Variants in BCAR3 observed in about 807,000 individuals in gnomAD.
The protein encoded by BCAR3 is breast cancer anti-estrogen resistance protein 3.
A neutral mutation model predicts 80.1 loss-of-function variants in BCAR3; 37 were observed. The observed-to-expected ratio is 0.46, with a 90% CI of 0.36 to 0.61. The LOEUF is 0.61. Among genes scored for constraint, BCAR3 ranks in the 20% least tolerant of loss-of-function variants. The pLI is 0.00. For synonymous variants in BCAR3, 389 were observed against 418.9 expected (o/e 0.93, Z 0.87); for missense variants, 978 against 1,068.2 (o/e 0.92, Z 1.18).
At chr1:93,833,019 C>G (rs1387361444) in intron 2 of BCAR3, among the ~76,000 whole-genome samples, 5 of 152,120 alleles carry the variant, frequency 3.3e-5, no homozygotes, top group Non-Finnish European at 7.3e-5. Context: ...AAAACCTAAT[C>G]ACCCTACTGG....
intron 2 of BCAR3, among the ~76,000 whole-genome samples, chr1:93,787,585 C>T (rs191867501): frequency 3.6e-4 from 55 of 152,252 alleles, no homozygotes; most frequent in Non-Finnish European, 3.5e-4. Flanking sequence ...ATCATTCAAG[C>T]GCAGATTATT....
rs903663421 is a variant in BCAR3, at chr1:93,750,527, A to G, written c.-62-44385T>C. Among the ~76,000 whole-genome samples the G allele has an allele frequency of 3.9e-5, 6 of 152,366 alleles. No homozygotes were observed. The South Asian group carries it at 1.2e-3, about 32-fold the overall frequency. ...ATCCAGAGCTGCCTTCTCTTTGAAT[A>G]CAGACAGCTGACCTTAGAGACTCAC... On this transcript the variant is annotated intron_variant, in intron 2 of 13. Coordinates refer to the BCAR3 transcript ENST00000370244.
At chr1:93,628,394 A>C (rs1178109155) in intron 3 of BCAR3, among the ~76,000 whole-genome samples, 1 of 152,122 alleles carries the variant, frequency 6.6e-6, no homozygotes, top group Non-Finnish European at 1.5e-5. Context: ...AGCCAAAGTG[A>C]ACCTGAGATG....
chr1:93,609,027 A>C (rs979368037), intron 3 of BCAR3, among the ~76,000 whole-genome samples: 2 of 152,294 alleles, frequency 1.3e-5, no homozygotes, highest in Non-Finnish European at 1.5e-5. Context: ...ATGACCAGCC[A>C]CAGGGAAGAT....
chr1:93,702,985 G>A (rs947864261), intron 3 of BCAR3, among the ~76,000 whole-genome samples: 2 of 152,252 alleles, frequency 1.3e-5, no homozygotes, highest in African/African-American at 4.8e-5. Context: ...GACCAGCAAA[G>A]AGAGCCTGCC....
chr1:93,835,741 T>G (rs982867664), intron 2 of BCAR3, among the ~76,000 whole-genome samples: 1 of 152,194 alleles, frequency 6.6e-6, no homozygotes, highest in East Asian at 1.9e-4. Context: ...GCTCAGGGAT[T>G]TGCCCCTGCC....
At chr1:93,845,482 A>ATC (rs1655124887) in intron 2 of BCAR3, 3 of 4,480 alleles carry the variant, frequency 6.7e-4, no homozygotes, top group Admixed American at 4.2e-3. Context: ...ATATATATAT[A>ATC]TATATATATA....
intron 2 of BCAR3, among the ~76,000 whole-genome samples, chr1:93,785,392 C>T (rs1004166362): frequency 6.6e-6 from 1 of 152,184 alleles, no homozygotes; most frequent in Middle Eastern, 3.2e-3. Flanking sequence ...AAGGGAACCA[C>T]CACTACTCAG....
intron 2 of BCAR3, among the ~76,000 whole-genome samples, chr1:93,821,647 G>A (rs1010807398): frequency 1.3e-5 from 2 of 152,156 alleles, no homozygotes; most frequent in Admixed American, 6.5e-5. Flanking sequence ...GTCCCTCCAT[G>A]AGGATGCTAA....
At chr1:93,719,638 A>G (rs1650318869) in intron 2 of BCAR3, among the ~76,000 whole-genome samples, 1 of 152,138 alleles carries the variant, frequency 6.6e-6, no homozygotes, top group African/African-American at 2.4e-5. Flanking sequence ...CACCCTGCCC[A>G]GCCTCTATAT....
intron 2 of BCAR3, among the ~76,000 whole-genome samples, chr1:93,835,078 G>A (rs1654715057): frequency 6.6e-6 from 1 of 152,110 alleles, no homozygotes; most frequent in Admixed American, 6.5e-5. Context: ...CTACCTCTCA[G>A]TAAGCTGAAT....
At chr1:93,832,198 G>A (rs1258212978) in intron 2 of BCAR3, among the ~76,000 whole-genome samples, 2 of 152,172 alleles carry the variant, frequency 1.3e-5, no homozygotes, top group Admixed American at 6.5e-5. Flanking sequence ...AAGTAGCAAC[G>A]TATTTCTGAG....
intron 2 of BCAR3, among the ~76,000 whole-genome samples, chr1:93,836,921 TTGAC>T (rs375323942): frequency 1.5e-3 from 235 of 152,218 alleles, no homozygotes; most frequent in African/African-American, 5.3e-3. Context: ...AAAACCCCCT[TTGAC>T]TGTAATTTTC....
chr1:93,829,228 G>T (rs72723162), intron 2 of BCAR3, among the ~76,000 whole-genome samples: 216 of 152,166 alleles, frequency 1.4e-3, no homozygotes, highest in Middle Eastern at 3.4e-3. Context: ...CATAGCCCAG[G>T]AAAAGACTGG....
chr1:93,741,544 T>A (rs975036649), intron 2 of BCAR3, among the ~76,000 whole-genome samples: 5 of 152,244 alleles, frequency 3.3e-5, no homozygotes, highest in African/African-American at 9.6e-5. Flanking sequence ...AAGTGCTCAA[T>A]AACTGGAAGC....
At chr1:93,576,257 A>C (rs971255774) in intron 7 of BCAR3, 128 bp from the exon 8 acceptor site, 1 of 694,054 alleles carries the variant, frequency 1.4e-6, no homozygotes, top group Admixed American at 2.3e-5. Flanking sequence ...ATTTCTTTAT[A>C]AGCAGCTGCT....
At chr1:93,835,043 C>T (rs75632532) in intron 2 of BCAR3, among the ~76,000 whole-genome samples, 3 of 151,688 alleles carry the variant, frequency 2.0e-5, no homozygotes, top group African/African-American at 7.3e-5. Flanking sequence ...CCACATCTAT[C>T]GAGGCTACTG....
rs117694784 is a variant in BCAR3, at chr1:93,706,869, T to C, written c.-62-727A>G. Among the ~76,000 whole-genome samples, 282 of 152,324 alleles carry C rather than the reference T, an allele frequency of 1.9e-3. 11 individuals are homozygous for C. In the East Asian group the frequency reaches 0.051, roughly 28 times the overall value. The stretch of plus-strand genomic sequence containing the variant: ...CATGATCTATTACTAAAGTAAACAA[T>C]ATACAGTTTAATAGTATACAGTTTA... On this transcript the variant is annotated intron_variant, in intron 2 of 13. Transcript: ENST00000370244.
intron 2 of BCAR3, among the ~76,000 whole-genome samples, chr1:93,757,913 A>G (rs1051602179): frequency 6.6e-6 from 1 of 152,248 alleles, no homozygotes; most frequent in African/African-American, 2.4e-5. Flanking sequence ...GAGAGAAAGG[A>G]GGCTCGGACA....
Sources: gnomAD v4.1 joint callset for allele counts (sites outside exome capture counted in the v4.1 genomes callset) on GRCh38, gnomAD v4.1.1 for gene constraint, MANE v1.5 for transcripts, NCBI Gene and HGNC (gene_info 2026-07-23, HGNC 2026-07-21) for gene names.